TBC1D5: variants seen among roughly 807,000 people sequenced by gnomAD.
TBC1D5 encodes the protein TBC1 domain family, member 5.
A neutral mutation model predicts 100.3 loss-of-function variants in TBC1D5; 75 were observed. The observed-to-expected ratio is 0.75, with a 90% CI of 0.62 to 0.91. The LOEUF is 0.91. TBC1D5 is among the 40% of genes least tolerant of loss of function. The pLI, the probability that TBC1D5 is intolerant of heterozygous loss-of-function variation, is 0.00. For missense variants in TBC1D5, 910 were observed against 942.4 expected (o/e 0.97, Z 0.45); for synonymous variants, 323 against 325.6 (o/e 0.99, Z 0.09).
chr3:17,289,782 T>C (rs1350501942), intron 15 of TBC1D5, among the ~76,000 whole-genome samples: 1 of 152,194 alleles, frequency 6.6e-6, no homozygotes, highest in African/African-American at 2.4e-5. Flanking sequence ...AAGATGTTGG[T>C]GGCAGAGCCA....
At chr3:17,186,710 C>CAAAAAAAAAAAAAAAAAA (rs58438478) in intron 18 of TBC1D5, among the ~76,000 whole-genome samples, 6 of 27,284 alleles carry the variant, frequency 2.2e-4, no homozygotes, top group African/African-American at 2.1e-4. Flanking sequence ...ACTCTATCTC[C>CAAAAAAAAAAAAAAAAAA]AAAAAAAAAA....
chr3:17,609,749 A>T (rs935466726), intron 2 of TBC1D5, among the ~76,000 whole-genome samples: 1 of 152,164 alleles, frequency 6.6e-6, no homozygotes, highest in Non-Finnish European at 1.5e-5. Context: ...AACACCCAAG[A>T]GACACGTTGC....
intron 18 of TBC1D5, among the ~76,000 whole-genome samples, chr3:17,206,285 C>T (rs1329069783): frequency 6.6e-6 from 1 of 152,164 alleles, no homozygotes; most frequent in Non-Finnish European, 1.5e-5. Flanking sequence ...TTATGCATCT[C>T]ATGTGGATGA....
chr3:17,592,063 A>G (rs2060264460), intron 2 of TBC1D5, among the ~76,000 whole-genome samples: 1 of 152,250 alleles, frequency 6.6e-6, no homozygotes, highest in Non-Finnish European at 1.5e-5. Context: ...CTCCTGGTAC[A>G]TGGTATGCAG....
chr3:17,276,444 T>C (rs1449756979), intron 15 of TBC1D5, among the ~76,000 whole-genome samples: 1 of 152,136 alleles, frequency 6.6e-6, no homozygotes. Flanking sequence ...TGGATGTCAG[T>C]CTTGTAGCTG....
intron 2 of TBC1D5, among the ~76,000 whole-genome samples, chr3:17,601,823 G>A (rs1392193617): frequency 1.3e-5 from 2 of 152,036 alleles, no homozygotes; most frequent in East Asian, 3.9e-4. Flanking sequence ...GTTAATAAGT[G>A]GGTTTTTTTT....
intron 2 of TBC1D5, among the ~76,000 whole-genome samples, chr3:17,584,046 A>C (rs183953510): frequency 3.7e-4 from 57 of 152,338 alleles, no homozygotes; most frequent in African/African-American, 1.3e-3. Context: ...AACTTGAATA[A>C]AAATTTGAAA....
At chr3:17,626,003 ATT>A (rs1195396565) in intron 1 of TBC1D5, among the ~76,000 whole-genome samples, 1 of 152,132 alleles carries the variant, frequency 6.6e-6, no homozygotes. Context: ...CCAATTAATC[ATT>A]CTTTCCATTA....
chr3:17,472,273 G>A (rs1367750201), intron 3 of TBC1D5, among the ~76,000 whole-genome samples: 2 of 151,746 alleles, frequency 1.3e-5, no homozygotes, highest in South Asian at 2.1e-4. Flanking sequence ...CGAGTAGCTG[G>A]GACTACAGGC....
chr3:17,376,467 C>T, intron 10 of TBC1D5, 58 bp downstream of exon 10: 2 of 1,480,620 alleles, frequency 1.4e-6, no homozygotes, highest in Non-Finnish European at 1.8e-6. Flanking sequence ...GTTTCAAAAA[C>T]AAAGGTTACC....
At chr3:17,622,554 A>G (rs781663042) in intron 2 of TBC1D5, 1 of 152,054 alleles carries the variant, frequency 6.6e-6, no homozygotes. Context: ...CACATGTTAA[A>G]GGAAAAAAAT....
At chr3:17,496,140 G>T (rs886215166) in intron 3 of TBC1D5, among the ~76,000 whole-genome samples, 1 of 152,094 alleles carries the variant, frequency 6.6e-6, no homozygotes, top group South Asian at 2.1e-4. Flanking sequence ...AAGGAGCCAA[G>T]AATGCATTAT....
At chr3:17,715,813 G>C (rs577801421) in intron 1 of TBC1D5, among the ~76,000 whole-genome samples, 18 of 152,030 alleles carry the variant, frequency 1.2e-4, no homozygotes, top group Admixed American at 3.3e-4. Flanking sequence ...TAAAAAAAAG[G>C]GGGGGGAGGC....
At chr3:17,610,024 T>A (rs1324189469) in intron 2 of TBC1D5, among the ~76,000 whole-genome samples, 1 of 152,208 alleles carries the variant, frequency 6.6e-6, no homozygotes, top group Admixed American at 6.5e-5. Context: ...TTCTGTACAT[T>A]CAGATTCAAG....
At chr3:17,556,671 T>C (rs1056269161) in intron 2 of TBC1D5, among the ~76,000 whole-genome samples, 1 of 152,204 alleles carries the variant, frequency 6.6e-6, no homozygotes, top group African/African-American at 2.4e-5. Context: ...TAGCTCTGAT[T>C]TATCAAAAAG....
intron 15 of TBC1D5, among the ~76,000 whole-genome samples, chr3:17,282,067 A>T (rs2149924596): frequency 6.6e-6 from 1 of 152,348 alleles, no homozygotes; most frequent in African/African-American, 2.4e-5. Context: ...TAGTCACAGC[A>T]CTTAAAGCTG....
intron 18 of TBC1D5, among the ~76,000 whole-genome samples, chr3:17,208,252 T>C (rs1456775992): frequency 6.6e-6 from 1 of 152,220 alleles, no homozygotes; most frequent in African/African-American, 2.4e-5. Context: ...CTTAGAAGCT[T>C]AGATCAGCAA....
chr3:17,402,042 G>A (rs1318962839), intron 8 of TBC1D5, among the ~76,000 whole-genome samples: 1 of 152,068 alleles, frequency 6.6e-6, no homozygotes, highest in African/African-American at 2.4e-5. Flanking sequence ...GATAACTCAA[G>A]CTAACCAAAA....
At chr3:17,723,367 T>C (rs2075854218) in intron 1 of TBC1D5, among the ~76,000 whole-genome samples, 1 of 152,062 alleles carries the variant, frequency 6.6e-6, no homozygotes, top group Non-Finnish European at 1.5e-5. Context: ...AAATACATTA[T>C]TAATAGAGCA....
Sources: gnomAD v4.1 joint callset for allele counts (sites outside exome capture counted in the v4.1 genomes callset) on GRCh38, gnomAD v4.1.1 for gene constraint, MANE v1.5 for transcripts, NCBI Gene and HGNC (gene_info 2026-07-23, HGNC 2026-07-21) for gene names.